The following MYO16 variants were observed in gnomAD, a reference collection of about 807,000 sequenced individuals.
The protein encoded by MYO16 is myosin XVI.
A neutral mutation model predicts 205.3 loss-of-function variants in MYO16; 94 were observed. That is an observed-to-expected ratio of 0.46 (90% CI 0.39 to 0.54). The LOEUF (loss-of-function observed/expected upper bound fraction) is 0.54, where lower values mean the gene tolerates loss of function less well. MYO16 is among the 20% of genes least tolerant of loss of function. MYO16 has a pLI of 0.00. For synonymous variants in MYO16, 988 were observed against 954.0 expected, an observed-to-expected ratio of 1.04 and a Z score of -0.66; for missense variants, 2,315 against 2,387.5, an observed-to-expected ratio of 0.97 and a Z score of 0.63.
At chr13:108,673,980 A>C (rs1028483407) in intron 2 of MYO16, among the ~76,000 whole-genome samples, 1 of 152,190 alleles carries the variant, frequency 6.6e-6, no homozygotes, top group African/African-American at 2.4e-5. Flanking sequence ...ACCTCTTCTG[A>C]ATAATCTACA....
intron 3 of MYO16, among the ~76,000 whole-genome samples, chr13:108,717,047 T>C (rs960811494): frequency 6.6e-6 from 1 of 150,482 alleles, no homozygotes; most frequent in Non-Finnish European, 1.5e-5. Flanking sequence ...GAGGCCAGTA[T>C]AGAAGAAACC....
intron 27 of MYO16, among the ~76,000 whole-genome samples, chr13:109,094,281 GC>G (rs2139696993): frequency 6.6e-6 from 1 of 152,270 alleles, no homozygotes; most frequent in African/African-American, 2.4e-5. Context: ...TGTGATCATA[GC>G]TCACTGCAAC....
At chr13:108,700,525 G>A (rs922811845) in intron 2 of MYO16, among the ~76,000 whole-genome samples, 6 of 152,026 alleles carry the variant, frequency 3.9e-5, no homozygotes, top group African/African-American at 1.2e-4. Context: ...CAGCAGCCTC[G>A]GAGCCACTGG....
intron 20 of MYO16, among the ~76,000 whole-genome samples, chr13:108,990,894 A>G (rs3858815): frequency 0.14 from 21,707 of 152,198 alleles, 1,632 homozygotes; most frequent in East Asian, 0.2. Context: ...ACTGTACGTG[A>G]AAAACAAAAT....
At chr13:109,193,588 C>T (rs975858587) in intron 34 of MYO16, among the ~76,000 whole-genome samples, 1 of 152,160 alleles carries the variant, frequency 6.6e-6, no homozygotes, top group African/African-American at 2.4e-5. Context: ...TGAGAAATTA[C>T]TAAATTAATA....
the MYO16 span, among the ~76,000 whole-genome samples, chr13:108,503,909 G>A: frequency 6.6e-6 from 1 of 152,080 alleles, no homozygotes; most frequent in African/African-American, 2.4e-5. Context: ...CATTAGGGAT[G>A]TGGACTAATT....
chr13:108,701,012 C>T (rs745472422), intron 2 of MYO16, among the ~76,000 whole-genome samples: 1 of 152,024 alleles, frequency 6.6e-6, no homozygotes, highest in Non-Finnish European at 1.5e-5. Flanking sequence ...AGATCCTAAG[C>T]GAAGGCTGAG....
intron 21 of MYO16, among the ~76,000 whole-genome samples, chr13:109,000,584 A>T (rs912480167): frequency 4.6e-5 from 7 of 152,228 alleles, no homozygotes; most frequent in Non-Finnish European, 1.0e-4. Flanking sequence ...AAAAGAAAGC[A>T]TATTGATTAG....
intron 27 of MYO16, among the ~76,000 whole-genome samples, chr13:109,068,875 G>A (rs1887839510): frequency 6.6e-6 from 1 of 152,156 alleles, no homozygotes; most frequent in Non-Finnish European, 1.5e-5. Flanking sequence ...ACAGGTGAGA[G>A]CCACCGTGCC....
At chr13:109,079,051 C>A (rs538216633) in intron 27 of MYO16, among the ~76,000 whole-genome samples, 1 of 101,276 alleles carries the variant, frequency 9.9e-6, no homozygotes, top group Non-Finnish European at 2.3e-5. Context: ...TTCTCTGCCC[C>A]GAAACTCTTA....
chr13:108,652,186 TGTGA>T (rs1256568351), intron 1 of MYO16, among the ~76,000 whole-genome samples: 1 of 152,204 alleles, frequency 6.6e-6, no homozygotes, highest in Admixed American at 6.5e-5. Context: ...CGTGTGTGTG[TGTGA>T]ATGTGTCTGT....
At chr13:109,175,432 A>G (rs1322879621) in intron 33 of MYO16, among the ~76,000 whole-genome samples, 1 of 152,136 alleles carries the variant, frequency 6.6e-6, no homozygotes, top group Non-Finnish European at 1.5e-5. Flanking sequence ...AGCTTTGGGG[A>G]ATTCCTTCCC....
chr13:108,528,599 C>T, the MYO16 span, among the ~76,000 whole-genome samples: 1 of 11,060 alleles, frequency 9.0e-5, no homozygotes, highest in Non-Finnish European at 1.9e-4. Flanking sequence ...CCCTCCTCTC[C>T]CCTCTCCTCT....
chr13:109,077,144 C>A (rs1431488381), intron 27 of MYO16, among the ~76,000 whole-genome samples: 1 of 152,032 alleles, frequency 6.6e-6, no homozygotes, highest in Non-Finnish European at 1.5e-5. Context: ...CTCAGCCTCC[C>A]AACTAGCTGA....
intron 1 of MYO16, among the ~76,000 whole-genome samples, chr13:108,613,351 T>G (rs954429752): frequency 6.6e-6 from 1 of 152,174 alleles, no homozygotes; most frequent in African/African-American, 2.4e-5. Flanking sequence ...GAAGACATTC[T>G]AAAATTTATC....
At chr13:108,723,144 ACACC>A (rs953151733) in intron 3 of MYO16, among the ~76,000 whole-genome samples, 8 of 140,358 alleles carry the variant, frequency 5.7e-5, no homozygotes, top group Admixed American at 2.1e-4. Flanking sequence ...TGTAATTTGA[ACACC>A]CATTTTTTTG....
intron 4 of MYO16, among the ~76,000 whole-genome samples, chr13:108,780,388 A>T (rs567240778): frequency 6.7e-6 from 1 of 150,186 alleles, no homozygotes; most frequent in East Asian, 2.0e-4. Flanking sequence ...CCAGTGACCG[A>T]CTCATTCATT....
chr13:108,656,737 G>A (rs1368132376), intron 1 of MYO16, among the ~76,000 whole-genome samples: 1 of 152,008 alleles, frequency 6.6e-6, no homozygotes, highest in African/African-American at 2.4e-5. Flanking sequence ...AAAAAAGTAG[G>A]GCAATAAGCA....
At chr13:108,623,109 G>T (rs757773728) in intron 1 of MYO16, among the ~76,000 whole-genome samples, 1 of 152,228 alleles carries the variant, frequency 6.6e-6, no homozygotes, top group East Asian at 1.9e-4. Flanking sequence ...CTACACACAC[G>T]ACGTCCAGCT....
Sources: allele counts gnomAD v4.1 joint callset (sites outside exome capture counted in the v4.1 genomes callset), GRCh38; gene constraint gnomAD v4.1.1; transcripts MANE v1.5; gene names NCBI Gene and HGNC (gene_info 2026-07-23, HGNC 2026-07-21).